MSRA: variants seen among roughly 807,000 people sequenced by gnomAD.
The protein encoded by MSRA is mitochondrial peptide methionine sulfoxide reductase.
Under a neutral mutation model 31.3 loss-of-function variants are expected in MSRA, and 54 were observed. The observed-to-expected ratio is 1.73, with a 90% CI of 1.39 to 2.17. The LOEUF is 2.17. Among genes scored for constraint, MSRA ranks in the 30% most tolerant of loss-of-function variants. The pLI, the probability that MSRA is intolerant of heterozygous loss-of-function variation, is 0.00. For synonymous variants in MSRA, 169 were observed against 116.5 expected, an observed-to-expected ratio of 1.45 and a Z score of -2.90; for missense variants, 507 against 300.9, an observed-to-expected ratio of 1.69 and a Z score of -5.07.
chr8:10,054,472 C>G lies in MSRA; in HGVS notation c.-45C>G. ...GCCGTTCCGGCTGCGGCTCCGCTGCCGGTAGCGCCGTCCCCCGGGACCACC... is the reference window on the plus strand; with the variant it reads ...GCCGTTCCGGCTGCGGCTCCGCTGCGGGTAGCGCCGTCCCCCGGGACCACC... On this transcript the variant is annotated 5_prime_UTR_variant, in exon 1 of 6. Transcript: ENST00000317173. 6.5e-7 allele frequency: 1 copy of G among 1,541,196 alleles called. No individual in the cohort carries two copies. Among genetic ancestry groups the G allele is most frequent in the Non-Finnish European group, 8.7e-7 (1 of 1,144,502 alleles).
chr8:10,415,847 G>T (rs1435022717), intron 5 of MSRA, among the ~76,000 whole-genome samples: 1 of 151,810 alleles, frequency 6.6e-6, no homozygotes, highest in Non-Finnish European at 1.5e-5. Flanking sequence ...CAAATTCCCA[G>T]TTCAGTGCCC....
intron 2 of MSRA, among the ~76,000 whole-genome samples, chr8:10,238,890 AAGAT>A (rs1165950861): frequency 6.6e-6 from 1 of 152,210 alleles, no homozygotes; most frequent in East Asian, 1.9e-4. Flanking sequence ...GATAAAGGAA[AAGAT>A]AGAGAAATTT....
At position 10,105,453 on chromosome 8, in the gene MSRA, AG is replaced by A. The variant is rs1799818915; in HGVS notation, c.142+50797del. Among the ~76,000 whole-genome samples, 4 of 152,338 alleles carry A rather than the reference AG, an allele frequency of 2.6e-5. No individual in the cohort carries two copies. The South Asian group carries it at 8.3e-4, about 32-fold the overall frequency. On this transcript the variant is annotated intron_variant, in intron 1 of 5. Transcript: ENST00000317173. The stretch of plus-strand genomic sequence containing the variant: ...AAACTTTTGGTCAACTTGAAATGTC[AG>A]GCAGATTCTTAGTCCCCAGGCATCC...
chr8:10,340,828 G>A (rs745800435), intron 5 of MSRA, among the ~76,000 whole-genome samples: 8 of 152,250 alleles, frequency 5.3e-5, no homozygotes, highest in Non-Finnish European at 8.8e-5. Context: ...TCAGCAAAGA[G>A]CATCTCACAT....
At chr8:10,287,107 C>G (rs934002008) in intron 3 of MSRA, among the ~76,000 whole-genome samples, 4 of 152,170 alleles carry the variant, frequency 2.6e-5, no homozygotes, top group African/African-American at 9.7e-5. Flanking sequence ...TAATTACTGA[C>G]CATCATCAGA....
chr8:10,382,724 C>T (rs1330145728), intron 5 of MSRA, among the ~76,000 whole-genome samples: 1 of 152,204 alleles, frequency 6.6e-6, no homozygotes, highest in Non-Finnish European at 1.5e-5. Flanking sequence ...AAAGGTCATT[C>T]AGGGGCAAGA....
intron 5 of MSRA, among the ~76,000 whole-genome samples, chr8:10,396,087 C>T (rs150478006): frequency 1.1e-3 from 161 of 152,302 alleles, no homozygotes; most frequent in African/African-American, 3.8e-3. Flanking sequence ...GGCACCTTTT[C>T]ATCTCTCAGG....
chr8:10,142,084 G>A (rs758828241), intron 1 of MSRA, among the ~76,000 whole-genome samples: 2 of 152,142 alleles, frequency 1.3e-5, no homozygotes, highest in East Asian at 1.9e-4. Flanking sequence ...TCAGACTGCC[G>A]AGTAGCTGGG....
At chr8:10,166,109 G>T (rs1158363072) in intron 1 of MSRA, among the ~76,000 whole-genome samples, 5 of 152,176 alleles carry the variant, frequency 3.3e-5, no homozygotes, top group Middle Eastern at 3.2e-3. Flanking sequence ...TGTGTGAGCA[G>T]CAGTGATCCC....
intron 3 of MSRA, among the ~76,000 whole-genome samples, chr8:10,264,473 C>T (rs2129095930): frequency 6.6e-6 from 1 of 152,310 alleles, no homozygotes; most frequent in Admixed American, 6.5e-5. Flanking sequence ...TGCAACATTT[C>T]CAGCTATATT....
At position 10,292,339 on chromosome 8, in the gene MSRA, G is replaced by A. The variant is rs548101755; in HGVS notation, c.332-9195G>A. Among the ~76,000 whole-genome samples, 144 of 152,356 alleles carry A rather than the reference G, an allele frequency of 9.5e-4. 1 individual carries two copies. Among genetic ancestry groups the A allele is most frequent in the Non-Finnish European group, 1.7e-3 (116 of 68,032 alleles). ...CGTCTTTATTAACATCACATCACAT[G>A]CCCAGTCCTGGGGCCTACAGAGGAG... is the stretch of plus-strand genomic sequence containing the variant. On this transcript the variant is annotated intron_variant, in intron 3 of 5. Transcript: ENST00000317173.
intron 3 of MSRA, among the ~76,000 whole-genome samples, chr8:10,291,893 G>A (rs1288833999): frequency 6.6e-6 from 1 of 152,094 alleles, no homozygotes; most frequent in African/African-American, 2.4e-5. Context: ...TTCTTACCTG[G>A]ACTCGGACTC....
intron 3 of MSRA, among the ~76,000 whole-genome samples, chr8:10,257,609 C>G (rs543482782): frequency 5.9e-5 from 9 of 152,080 alleles, no homozygotes; most frequent in African/African-American, 1.9e-4. Context: ...GGTTTCATCA[C>G]GTTGGCCAGG....
At chr8:10,105,328 G>A (rs369511698) in intron 1 of MSRA, among the ~76,000 whole-genome samples, 17 of 152,196 alleles carry the variant, frequency 1.1e-4, no homozygotes, top group Admixed American at 2.6e-4. Context: ...CATGCTTTCC[G>A]ATGAGGCAGA....
chr8:10,374,900 G>A (rs1375330673), intron 5 of MSRA, among the ~76,000 whole-genome samples: 1 of 152,124 alleles, frequency 6.6e-6, no homozygotes, highest in African/African-American at 2.4e-5. Context: ...TTCTCACCCA[G>A]TTCATGCAAG....
chr8:10,200,913 T>A (rs887228989), intron 1 of MSRA, among the ~76,000 whole-genome samples: 6 of 152,000 alleles, frequency 3.9e-5, no homozygotes, highest in Non-Finnish European at 7.4e-5. Context: ...CTGGGCAGGA[T>A]CAGGGCCCAG....
At chr8:10,201,511 C>T (rs1415452698) in intron 1 of MSRA, among the ~76,000 whole-genome samples, 5 of 152,116 alleles carry the variant, frequency 3.3e-5, no homozygotes, top group African/African-American at 9.7e-5. Context: ...CCAGAGGATA[C>T]GAATTTTAGG....
intron 1 of MSRA, among the ~76,000 whole-genome samples, chr8:10,141,664 A>G (rs951371812): frequency 1.3e-5 from 2 of 151,838 alleles, no homozygotes; most frequent in Non-Finnish European, 2.9e-5. Flanking sequence ...CCTCTGAAAG[A>G]TACACAGATA....
Position 10,054,484 on chromosome 8 carries a change from C to T in MSRA, c.-33C>T. 1 of 1,548,772 alleles carries T rather than the reference C, an allele frequency of 6.5e-7. No homozygotes were observed. Among genetic ancestry groups the T allele is most frequent in the Non-Finnish European group, 8.7e-7 (1 of 1,148,276 alleles). ...GCGGCTCCGCTGCCGGTAGCGCCGT[C>T]CCCCGGGACCACCCTTCGGCTGGCG... On this transcript the variant is annotated 5_prime_UTR_variant, in exon 1 of 6. Coordinates refer to ENST00000317173, the MANE Select transcript of MSRA (RefSeq NM_012331.5).
Sources: gnomAD v4.1 joint callset for allele counts (sites outside exome capture counted in the v4.1 genomes callset) on GRCh38, gnomAD v4.1.1 for gene constraint, MANE v1.5 for transcripts, NCBI Gene and HGNC (gene_info 2026-07-23, HGNC 2026-07-21) for gene names.